Variants in PIK3IP1 observed in about 807,000 individuals in gnomAD.
The protein encoded by PIK3IP1 is phosphoinositide-3-kinase interacting protein 1, also known as phosphoinositide-3-kinase-interacting protein 1.
In PIK3IP1, 28 loss-of-function variants were observed where a neutral mutation model predicts 30.7. The ratio of observed to expected loss-of-function variants is 0.91; its 90% CI spans 0.68 to 1.25. The LOEUF is 1.25. Ranked by LOEUF, PIK3IP1 falls within the 50% of genes most tolerant of loss-of-function variation. The pLI is 0.00. For synonymous variants in PIK3IP1, 159 were observed against 140.8 expected, an observed-to-expected ratio of 1.13 and a Z score of -0.91; for missense variants, 333 against 346.2, an observed-to-expected ratio of 0.96 and a Z score of 0.30.
intron 3 of PIK3IP1, chr22:31,290,697 T>C (rs2123892260): frequency 1.3e-5 from 6 of 448,510 alleles, no homozygotes; most frequent in East Asian, 4.1e-5. Flanking sequence ...AAGCCACTCC[T>C]CAGGACGCGC....
At position 31,289,385 on chromosome 22, in the gene PIK3IP1, G is replaced by A. The variant is rs151042507; in HGVS notation, c.517C>T (p.Leu173=). 1 of 1,608,190 alleles carries A rather than the reference G, an allele frequency of 6.2e-7. No homozygotes were observed. The highest frequency in any genetic ancestry group is 8.5e-7 in the Non-Finnish European group (1 of 1,177,406). The change falls in exon 5 of 6, where the codon CTG becomes TTG. Residue 173 remains leucine (L), a synonymous_variant. Coordinates refer to ENST00000215912, the MANE Select transcript of PIK3IP1 (RefSeq NM_052880.5). ...ATGATCACCATCATGGTAATGCCCAGCACGTAGCCTGCCAAGGATAGGACA... is the reference window on the plus strand; with the variant it reads ...ATGATCACCATCATGGTAATGCCCAACACGTAGCCTGCCAAGGATAGGACA... The part of the protein sequence containing the change: ...KKDLGTLGYV[L]GITMMVIIIA...
chr22:31,291,993 G>C (rs982685193), intron 1 of PIK3IP1, among the ~76,000 whole-genome samples: 1 of 152,204 alleles, frequency 6.6e-6, no homozygotes, highest in Non-Finnish European at 1.5e-5. Flanking sequence ...AAAGGGCTTA[G>C]AAAGAACAGG....
chr22:31,284,209 CCT>C (rs1445953703), intron 5 of PIK3IP1, among the ~76,000 whole-genome samples: 2 of 152,164 alleles, frequency 1.3e-5, no homozygotes, highest in Admixed American at 6.6e-5. Context: ...CAGCCTAATC[CCT>C]GTTTTATAGA....
intron 5 of PIK3IP1, among the ~76,000 whole-genome samples, chr22:31,286,571 A>G (rs933281818): frequency 1.3e-5 from 2 of 152,224 alleles, no homozygotes; most frequent in Admixed American, 1.3e-4. Context: ...CTGAGTTTAC[A>G]GGAAAATAAA....
rs182492803 is a variant in PIK3IP1 at position 31,290,738 on chromosome 22, G to A, written c.307+227C>T. The A allele has an allele frequency of 1.6e-3, 885 of 570,898 alleles. 7 individuals are homozygous for A. Among genetic ancestry groups the A allele is most frequent in the African/African-American group, 0.011 (569 of 50,124 alleles). 35.4% of individuals were successfully genotyped at this position (570,898 alleles called of 1,614,324 possible). A position where few individuals can be genotyped will look rare whatever the true frequency, so the allele number is the denominator to read the frequency against. On this transcript the variant is annotated intron_variant, in intron 3 of 5. Transcript: ENST00000215912. ...AGAGACCTAGCCTCACCCCAGCCTCGCCCCGCGCAGTTGTTTACAAGCGCT... is the reference window on the plus strand; with the variant it reads ...AGAGACCTAGCCTCACCCCAGCCTCACCCCGCGCAGTTGTTTACAAGCGCT...
intron 5 of PIK3IP1, 147 bp downstream of exon 5, chr22:31,289,168 G>T: frequency 1.3e-6 from 1 of 760,262 alleles, no homozygotes; most frequent in Non-Finnish European, 2.2e-6. Context: ...TTTGTCCAAG[G>T]TCAGCAGATA....
At chr22:31,285,120 ATT>A (rs1389522969) in intron 5 of PIK3IP1, among the ~76,000 whole-genome samples, 3 of 151,956 alleles carry the variant, frequency 2.0e-5, no homozygotes, top group Non-Finnish European at 4.4e-5. Context: ...CACAGACCTC[ATT>A]CAGACTACAC....
At position 31,281,726 on chromosome 22, in the gene PIK3IP1, C is replaced by A. The variant is rs1019885199; in HGVS notation, c.*1358G>T. The A allele has an allele frequency of 6.6e-6, 1 of 152,560 alleles. No homozygotes were observed. Among genetic ancestry groups the A allele is most frequent in the Non-Finnish European group, 1.5e-5 (1 of 68,042 alleles). 9.5% of individuals were successfully genotyped at this position (152,560 alleles called of 1,614,324 possible). A position where few individuals can be genotyped will look rare whatever the true frequency, so the allele number is the denominator to read the frequency against. On this transcript the variant is annotated 3_prime_UTR_variant, in exon 6 of 6. Coordinates refer to ENST00000215912, the MANE Select transcript of PIK3IP1 (RefSeq NM_052880.5). ...TAGAAAAGTAGAAACCAGTAATATT[C>A]TCTTCTCCAGCATCACTAACACCAA... is the stretch of plus-strand genomic sequence containing the variant.
chr22:31,288,640 C>T (rs940165926), intron 5 of PIK3IP1, among the ~76,000 whole-genome samples: 5 of 152,348 alleles, frequency 3.3e-5, no homozygotes, highest in Middle Eastern at 3.4e-3. Flanking sequence ...CAGTCACTGA[C>T]GGACATCTCG....
chr22:31,288,697 G>GGT (rs1242716040), intron 5 of PIK3IP1, among the ~76,000 whole-genome samples: 1 of 152,236 alleles, frequency 6.6e-6, no homozygotes, highest in Admixed American at 6.5e-5. Context: ...CCCAGCCACA[G>GGT]GTCATGTCCT....
In PIK3IP1 at chr22:31,281,601, T is replaced by C. The variant is rs1217432192; in HGVS notation, c.*1483A>G. 1.7e-5 allele frequency: 1 copy of C among 58,608 alleles called. No homozygotes were observed. The highest frequency in any genetic ancestry group is 6.2e-5 in the Non-Finnish European group (1 of 16,206). 3.6% of individuals were successfully genotyped at this position (58,608 alleles called of 1,614,324 possible). On this transcript the variant is annotated 3_prime_UTR_variant, in exon 6 of 6. Transcript: ENST00000215912. ...TCAAAAACTTGGCAATGTGGAGTCTTTTTTTTTTTTTAATTAAGTCAAATG... is the reference window on the plus strand; with the variant it reads ...TCAAAAACTTGGCAATGTGGAGTCTCTTTTTTTTTTTAATTAAGTCAAATG...
intron 5 of PIK3IP1, 49 bp from the exon 6 acceptor site, chr22:31,283,337 C>T (rs1238596124): frequency 7.5e-6 from 12 of 1,594,580 alleles, no homozygotes; most frequent in Non-Finnish European, 9.4e-6. Flanking sequence ...TCCTGCATAG[C>T]TTTGCTCATT....
chr22:31,284,039 G>A (rs1478678449), intron 5 of PIK3IP1, among the ~76,000 whole-genome samples: 1 of 152,136 alleles, frequency 6.6e-6, no homozygotes, highest in Admixed American at 6.5e-5. Context: ...CAAGTAGCCA[G>A]GATTACAGGC....
chr22:31,287,076 A>G (rs1168172919), intron 5 of PIK3IP1, among the ~76,000 whole-genome samples: 2 of 134,598 alleles, frequency 1.5e-5, no homozygotes, highest in East Asian at 2.2e-4. Context: ...GCTGGAGTGC[A>G]GTGGCACAAT....
At chr22:31,290,817 C>G (rs2049170033) in intron 3 of PIK3IP1, 148 bp downstream of exon 3, 1 of 1,220,272 alleles carries the variant, frequency 8.2e-7, no homozygotes, top group Admixed American at 3.7e-5. Context: ...CTTTGAGCCC[C>G]GCGGCCTGGA....
chr22:31,282,864 TCTG>T lies in PIK3IP1; in HGVS notation c.*217_*219del, dbSNP rs1033388670. 2.9e-5 allele frequency: 15 copies of T among 523,824 alleles called. No homozygotes were observed. The highest frequency in any genetic ancestry group is 1.5e-4 in the African/African-American group (8 of 52,710). 32.4% of individuals were successfully genotyped at this position (523,824 alleles called of 1,614,324 possible). A position where few individuals can be genotyped will look rare whatever the true frequency, so the allele number is the denominator to read the frequency against. On this transcript the variant is annotated 3_prime_UTR_variant, in exon 6 of 6. Coordinates refer to ENST00000215912, the MANE Select transcript of PIK3IP1 (RefSeq NM_052880.5). ...CCACTGTCTCCATCCACAGACAAAA[TCTG>T]CTCCAAGGGATGGACAAGGAGCACT...
chr22:31,286,898 T>C (rs754534955), intron 5 of PIK3IP1, among the ~76,000 whole-genome samples: 1 of 152,210 alleles, frequency 6.6e-6, no homozygotes, highest in African/African-American at 2.4e-5. Flanking sequence ...AAGCATCCCA[T>C]TGTGGGAAAC....
In PIK3IP1 at chr22:31,289,324, G is replaced by A. The variant is rs749092718; in HGVS notation, c.578C>T (p.Ser193Phe). 4 of 1,613,970 alleles carry A rather than the reference G, an allele frequency of 2.5e-6. No homozygotes were observed. The highest frequency in any genetic ancestry group is 3.4e-6 in the Non-Finnish European group (4 of 1,179,980). The change falls in exon 5 of 6, where the codon TCC becomes TTC. Residue 193 changes from serine to phenylalanine, a missense_variant. Ser to Phe is a radical substitution (Grantham distance 155). Transcript: ENST00000215912. Reference sequence around the variant, plus strand: ...AAGAGAAGCTACTGACCTCTTGTAGGAGTAGCCCAAGATGATGCCAGCTCC... The same window carrying A: ...AAGAGAAGCTACTGACCTCTTGTAGAAGTAGCCCAAGATGATGCCAGCTCC... ...AIGAGIILGY[S>F]YKRGKDLKEQ...
Position 31,283,184 on chromosome 22 carries a change from A to G in PIK3IP1, c.692T>C (p.Val231Ala). The change falls in exon 6 of 6, where the codon GTG becomes GCG. Residue 231 changes from valine (V) to alanine (A), a missense_variant. This residue lies in a region of PIK3IP1 where 217 missense variants were observed against 227.7 expected (regional missense o/e 0.95). Coordinates refer to ENST00000215912, the MANE Select transcript of PIK3IP1 (RefSeq NM_052880.5). ...SAFTNPTCEI[V>A]DEKTVVVHTS... ...GTGGACCACGACAGTCTTCTCATCC[A>G]CAATCTCACAGGTGGGGTTGGTGAA... is the stretch of plus-strand genomic sequence containing the variant. 1.2e-6 allele frequency: 2 copies of G among 1,614,158 alleles called. No homozygotes were observed. Among genetic ancestry groups the G allele is most frequent in the South Asian group, 1.1e-5 (1 of 91,082 alleles).
Sources: gnomAD v4.1 joint callset for allele counts (sites outside exome capture counted in the v4.1 genomes callset) on GRCh38, gnomAD v4.1.1 for gene constraint, gnomAD v4.1.1 regional missense constraint, MANE v1.5 for transcripts, NCBI Gene and HGNC (gene_info 2026-07-23, HGNC 2026-07-21) for gene names.